TSHZ2: variants seen among roughly 807,000 people sequenced by gnomAD.
TSHZ2 encodes teashirt zinc finger homeobox 2.
Under a neutral mutation model 74.4 loss-of-function variants are expected in TSHZ2, and 21 were observed. The observed-to-expected ratio is 0.28, with a 90% CI of 0.20 to 0.41. The LOEUF (loss-of-function observed/expected upper bound fraction) is 0.41. TSHZ2 is among the 10% of genes least tolerant of loss of function. The pLI, the probability that TSHZ2 is intolerant of heterozygous loss-of-function variation, is 1.00. For missense variants in TSHZ2, 1,244 were observed against 1,293.5 expected (o/e 0.96, Z 0.59); for synonymous variants, 540 against 515.3 (o/e 1.05, Z -0.65).
At position 53,451,692 on chromosome 20, in the gene TSHZ2, CTGTT is replaced by C. The variant is rs1984791011; in HGVS notation, c.*9-35450_*9-35447del. 1.3e-5 allele frequency among the ~76,000 whole-genome samples: 2 copies of C among 152,184 alleles called. 1 individual carries two copies. ...CACATGTAGACTAGATTAGAACCTC[CTGTT>C]TTTCTTTTTCATACTTTTCTCTATC... On this transcript the variant is annotated intron_variant, in intron 2 of 2. Transcript: ENST00000371497.
At chr20:53,345,671 G>GCC (rs1207949501) in intron 2 of TSHZ2, among the ~76,000 whole-genome samples, 4 of 138,112 alleles carry the variant, frequency 2.9e-5, no homozygotes, top group African/African-American at 1.1e-4. Flanking sequence ...GATCCCGCCT[G>GCC]CCCGCCCCCC....
intron 1 of TSHZ2, among the ~76,000 whole-genome samples, chr20:53,000,715 A>C (rs1982377371): frequency 6.6e-6 from 1 of 152,176 alleles, no homozygotes; most frequent in South Asian, 2.1e-4. Flanking sequence ...CCTGGATGAG[A>C]AAGATAGGAG....
chr20:53,365,064 CAGG>C (rs1002531350), intron 2 of TSHZ2, among the ~76,000 whole-genome samples: 1 of 152,246 alleles, frequency 6.6e-6, no homozygotes, highest in African/African-American at 2.4e-5. Flanking sequence ...ATTCTTGAGA[CAGG>C]GGGATCATTG....
rs552580464 is a variant in TSHZ2, at chr20:53,044,095, G to A, written c.40+70762G>A. Among the ~76,000 whole-genome samples the A allele has an allele frequency of 3.9e-5, 6 of 152,320 alleles. No homozygotes were observed. The South Asian group carries it at 1.2e-3, about 32-fold the overall frequency. On this transcript the variant is annotated intron_variant, in intron 1 of 2. Transcript: ENST00000371497. ...ATTTCAGTTTGGAGATACAGGGTGA[G>A]TATCCCTTGTTTGAAATGCTTAGGA...
Position 53,035,917 on chromosome 20 carries a change from AT to A in TSHZ2, c.40+62590del, listed in dbSNP as rs542662315. 4.3e-3 allele frequency among the ~76,000 whole-genome samples: 649 copies of A among 152,334 alleles called. 8 individuals are homozygous for A. The highest frequency in any genetic ancestry group is 0.015 in the African/African-American group (607 of 41,562). On this transcript the variant is annotated intron_variant, in intron 1 of 2. Coordinates refer to ENST00000371497, the MANE Select transcript of TSHZ2 (RefSeq NM_173485.6). ...ACTGAAGACCTATTCATAAGTGTAT[AT>A]TTTTTATACATATTTGTTAGAATAT... is the stretch of plus-strand genomic sequence containing the variant.
chr20:53,471,176 C>T (rs1985786414), intron 2 of TSHZ2, among the ~76,000 whole-genome samples: 1 of 152,104 alleles, frequency 6.6e-6, no homozygotes, highest in Non-Finnish European at 1.5e-5. Flanking sequence ...TAAGTTGTTT[C>T]TTTCATAGAA....
intron 2 of TSHZ2, among the ~76,000 whole-genome samples, chr20:53,388,203 A>G (rs905041530): frequency 2.0e-5 from 3 of 152,216 alleles, no homozygotes; most frequent in Non-Finnish European, 4.4e-5. Flanking sequence ...CAATACACAG[A>G]TCCCATAAGA....
chr20:53,485,237 T>G (rs556851914), intron 2 of TSHZ2, among the ~76,000 whole-genome samples: 60 of 152,274 alleles, frequency 3.9e-4, no homozygotes, highest in African/African-American at 1.4e-3. Flanking sequence ...TGTTATGTAT[T>G]ATTGAATAAA....
chr20:53,330,807 G>A (rs531157861), intron 2 of TSHZ2, among the ~76,000 whole-genome samples: 8 of 152,324 alleles, frequency 5.3e-5, no homozygotes, highest in African/African-American at 1.7e-4. Context: ...GAAAGGTGAC[G>A]TTCGGTTTAT....
At chr20:53,084,131 A>G (rs2123238480) in intron 1 of TSHZ2, among the ~76,000 whole-genome samples, 1 of 152,350 alleles carries the variant, frequency 6.6e-6, no homozygotes, top group Non-Finnish European at 1.5e-5. Flanking sequence ...TTTATAACCC[A>G]GGAAAAGTAA....
chr20:53,107,701 A>G (rs1200031531), intron 1 of TSHZ2, among the ~76,000 whole-genome samples: 1 of 152,184 alleles, frequency 6.6e-6, no homozygotes, highest in East Asian at 1.9e-4. Context: ...TGCCGCACGT[A>G]TCTTCCCAAC....
chr20:53,461,200 G>C (rs1358247574), intron 2 of TSHZ2, among the ~76,000 whole-genome samples: 2 of 152,116 alleles, frequency 1.3e-5, no homozygotes, highest in African/African-American at 4.8e-5. Flanking sequence ...GAGACTCCAT[G>C]GGCGTAGGAC....
chr20:53,000,186 G>A (rs575210047), intron 1 of TSHZ2, among the ~76,000 whole-genome samples: 6 of 152,190 alleles, frequency 3.9e-5, no homozygotes, highest in African/African-American at 1.4e-4. Context: ...ACCTGTTTTT[G>A]TATGACCTAT....
intron 1 of TSHZ2, among the ~76,000 whole-genome samples, chr20:53,081,219 A>G (rs764247788): frequency 6.6e-5 from 10 of 152,052 alleles, no homozygotes; most frequent in Admixed American, 1.3e-4. Flanking sequence ...TTTTGTAAAG[A>G]TGAGGTCTCG....
rs142904472 is a variant in TSHZ2, at chr20:53,217,424, A to C, written c.41-36075A>C. Among the ~76,000 whole-genome samples the C allele has an allele frequency of 2.2e-4, 33 of 152,252 alleles. 2 individuals are homozygous for C. The highest frequency in any genetic ancestry group is 1.6e-3 in the Admixed American group (24 of 15,294). The stretch of plus-strand genomic sequence containing the variant: ...CCAAAGAAGCGAATATGTGGCTCAC[A>C]AGCAGAAAGGGATAACAGATGGAAG... On this transcript the variant is annotated intron_variant, in intron 1 of 2. Transcript: ENST00000371497.
At chr20:52,975,375 C>T (rs796817749) in intron 1 of TSHZ2, among the ~76,000 whole-genome samples, 3 of 152,148 alleles carry the variant, frequency 2.0e-5, no homozygotes, top group African/African-American at 7.2e-5. Context: ...CTCAGAATTG[C>T]TCGACTTTGA....
At chr20:53,248,372 C>T (rs1218511727) in intron 1 of TSHZ2, among the ~76,000 whole-genome samples, 1 of 152,002 alleles carries the variant, frequency 6.6e-6, no homozygotes, top group African/African-American at 2.4e-5. Flanking sequence ...CCATGCCCAG[C>T]CATTAACTTT....
At chr20:53,118,120 G>A (rs1245680832) in intron 1 of TSHZ2, among the ~76,000 whole-genome samples, 2 of 152,184 alleles carry the variant, frequency 1.3e-5, no homozygotes, top group African/African-American at 2.4e-5. Flanking sequence ...GCATTCATGG[G>A]TTAAAAGGGA....
chr20:53,098,518 A>C (rs1986124154), intron 1 of TSHZ2, among the ~76,000 whole-genome samples: 3 of 152,226 alleles, frequency 2.0e-5, no homozygotes, highest in African/African-American at 7.2e-5. Flanking sequence ...GACCTAAATG[A>C]GCAATTGCAT....
Sources: allele counts gnomAD v4.1 joint callset (sites outside exome capture counted in the v4.1 genomes callset), GRCh38; gene constraint gnomAD v4.1.1; transcripts MANE v1.5; gene names NCBI Gene and HGNC (gene_info 2026-07-23, HGNC 2026-07-21).